The following FAAH2 variants were observed in gnomAD, a reference collection of about 807,000 sequenced individuals.
FAAH2 encodes the protein fatty acid amide hydrolase 2.
In FAAH2, 60 loss-of-function variants were observed where a neutral mutation model predicts 36.9. That is an observed-to-expected ratio of 1.63 (90% CI 1.32 to 2.02). The LOEUF (loss-of-function observed/expected upper bound fraction) is 2.02, where lower values mean the gene tolerates loss of function less well. FAAH2 is among the 30% of genes most tolerant of loss of function. The pLI is 0.00. For synonymous variants in FAAH2, 214 were observed against 143.8 expected (o/e 1.49, Z -3.49); for missense variants, 689 against 397.5 (o/e 1.73, Z -6.23).
chrX:57,470,763 C>G (rs924261440), intron 10 of FAAH2, among the ~76,000 whole-genome samples: 6 of 111,464 alleles, frequency 5.4e-5, no homozygotes, highest in Non-Finnish European at 7.5e-5. Flanking sequence ...CAGCATCATC[C>G]TAATACCAAA....
At chrX:57,431,829 T>C in intron 7 of FAAH2, 89 bp from the exon 8 acceptor site, 1 of 662,230 alleles carries the variant, frequency 1.5e-6, no homozygotes, top group Non-Finnish European at 1.9e-6. Flanking sequence ...GCCTGGCGCT[T>C]TCTGCTCTGC....
At chrX:57,206,059 A>G in the FAAH2 span, among the ~76,000 whole-genome samples, 1 of 111,811 alleles carries the variant, frequency 8.9e-6, no homozygotes, top group Admixed American at 9.5e-5. Flanking sequence ...TGAGTTGAAA[A>G]AATTAGCAAA....
chrX:57,391,626 C>A (rs1313259641), intron 7 of FAAH2, among the ~76,000 whole-genome samples: 1 of 110,657 alleles, frequency 9.0e-6, no homozygotes, highest in Non-Finnish European at 1.9e-5. Flanking sequence ...TGTCAAAGTT[C>A]AGTTTTTTAT....
intron 9 of FAAH2, 127 bp downstream of exon 9, chrX:57,447,166 C>T (rs936573712): frequency 4.6e-6 from 2 of 431,450 alleles, no homozygotes; most frequent in South Asian, 1.0e-4. Context: ...AATCTTAACG[C>T]TCCAAAATGA....
At position 57,302,131 on chromosome X, in the gene FAAH2, G is replaced by C. The variant is rs755978057; in HGVS notation, c.276-8462G>C. ...TGTGAATGACATAGAAAATGGTCAC[G>C]GCAAACTTTCTGGGAGCCCTAGAGT... is the stretch of plus-strand genomic sequence containing the variant. On this transcript the variant is annotated intron_variant, in intron 2 of 10. Transcript: ENST00000374900. Among the ~76,000 whole-genome samples, 6 of 111,367 alleles carry C rather than the reference G, an allele frequency of 5.4e-5. No individual in the cohort carries two copies. In the South Asian group the frequency reaches 1.9e-3, roughly 35 times the overall value.
At chrX:57,472,052 G>T (rs1448152556) in intron 10 of FAAH2, among the ~76,000 whole-genome samples, 1 of 112,141 alleles carries the variant, frequency 8.9e-6, no homozygotes, top group Non-Finnish European at 1.9e-5. Flanking sequence ...GTAGAAAGCT[G>T]AAACTGGATC....
intron 5 of FAAH2, among the ~76,000 whole-genome samples, chrX:57,354,171 G>C (rs1230801232): frequency 9.0e-6 from 1 of 110,994 alleles, no homozygotes; most frequent in Non-Finnish European, 1.9e-5. Context: ...CAATAGCAGA[G>C]ATATGGAATC....
At chrX:57,254,799 CT>C in the FAAH2 span, among the ~76,000 whole-genome samples, 1 of 111,758 alleles carries the variant, frequency 8.9e-6, no homozygotes, top group Non-Finnish European at 1.9e-5. Context: ...ATTTATGGCA[CT>C]GAATGCCCTC....
chrX:57,472,882 T>C (rs190928622), intron 10 of FAAH2, among the ~76,000 whole-genome samples: 1 of 111,579 alleles, frequency 9.0e-6, no homozygotes, highest in East Asian at 2.8e-4. Flanking sequence ...ACCTTCATCA[T>C]TTCTGATTGT....
At chrX:57,259,628 T>C in the FAAH2 span, among the ~76,000 whole-genome samples, 1 of 111,547 alleles carries the variant, frequency 9.0e-6, no homozygotes, top group African/African-American at 3.3e-5. Context: ...GGGTTAGAGG[T>C]GGGGGAAATA....
the FAAH2 span, among the ~76,000 whole-genome samples, chrX:57,242,545 C>T: frequency 4.5e-5 from 5 of 111,794 alleles, no homozygotes; most frequent in African/African-American, 1.6e-4. Context: ...TTCTGCATTT[C>T]CAACTGAGTT....
intron 8 of FAAH2, among the ~76,000 whole-genome samples, chrX:57,434,431 T>G (rs932570347): frequency 1.8e-4 from 20 of 109,855 alleles, no homozygotes; most frequent in Non-Finnish European, 1.1e-4. Flanking sequence ...ACTTAGGCTG[T>G]TAATATGAAA....
At chrX:57,417,834 G>T (rs6612803) in intron 7 of FAAH2, among the ~76,000 whole-genome samples, 1 of 111,661 alleles carries the variant, frequency 9.0e-6, no homozygotes, top group African/African-American at 3.3e-5. Context: ...GCCCACAGCC[G>T]CCCCTTCCCC....
At chrX:57,185,320 A>G in the FAAH2 span, among the ~76,000 whole-genome samples, 1 of 111,350 alleles carries the variant, frequency 9.0e-6, no homozygotes, top group South Asian at 3.8e-4. Context: ...TCCTACAAAT[A>G]ACTGAGAACA....
chrX:57,420,023 A>G (rs1241473588), intron 7 of FAAH2, among the ~76,000 whole-genome samples: 4 of 111,577 alleles, frequency 3.6e-5, no homozygotes, highest in African/African-American at 9.8e-5. Context: ...AAGATCAGAT[A>G]GTTGTAGATA....
chrX:57,123,096 G>A, the FAAH2 span, among the ~76,000 whole-genome samples: 1 of 110,962 alleles, frequency 9.0e-6, no homozygotes, highest in African/African-American at 3.3e-5. Flanking sequence ...TTGGTGTGCT[G>A]CACCCATTAA....
chrX:57,385,425 C>A (rs1297221616), intron 7 of FAAH2, among the ~76,000 whole-genome samples: 1 of 111,367 alleles, frequency 9.0e-6, no homozygotes, highest in Non-Finnish European at 1.9e-5. Context: ...ATTTCTCACA[C>A]ACCTGAAGAC....
the FAAH2 span, among the ~76,000 whole-genome samples, chrX:57,185,984 G>A: frequency 2.7e-5 from 3 of 111,558 alleles, no homozygotes; most frequent in East Asian, 5.6e-4. Flanking sequence ...CATTTGGGTT[G>A]GTTCCAGGTC....
the FAAH2 span, among the ~76,000 whole-genome samples, chrX:57,269,301 T>A: frequency 1.8e-5 from 2 of 111,482 alleles, no homozygotes; most frequent in Non-Finnish European, 3.8e-5. Flanking sequence ...CCATTGACAA[T>A]ATTAGACAGA....
Sources: gnomAD v4.1 joint callset for allele counts (sites outside exome capture counted in the v4.1 genomes callset) on GRCh38, gnomAD v4.1.1 for gene constraint, MANE v1.5 for transcripts, NCBI Gene and HGNC (gene_info 2026-07-23, HGNC 2026-07-21) for gene names.